Variants in TRMT11 observed in about 807,000 individuals in gnomAD.
TRMT11 encodes the protein tRNA (guanine(10)-N(2))-methyltransferase TRMT11.
A neutral mutation model predicts 62.8 loss-of-function variants in TRMT11; 53 were observed. That is an observed-to-expected ratio of 0.84 (90% CI 0.68 to 1.06). The LOEUF is 1.06. Ranked by LOEUF, TRMT11 falls within the 50% of genes least tolerant of loss-of-function variation. TRMT11 has a pLI of 0.00. For synonymous variants in TRMT11, 188 were observed against 190.3 expected, an observed-to-expected ratio of 0.99 and a Z score of 0.10; for missense variants, 556 against 553.4, an observed-to-expected ratio of 1.00 and a Z score of -0.05.
intron 17 of TRMT11, among the ~76,000 whole-genome samples, chr6:126,103,288 T>C (rs1777423553): frequency 6.6e-6 from 1 of 152,252 alleles, no homozygotes; most frequent in Non-Finnish European, 1.5e-5. Flanking sequence ...TTCTTGTTTC[T>C]GGCTGTGTCT....
At chr6:126,191,464 C>CTTTTTTTTTTTTTTTTTTTTTTTTTT (rs77414207) in intron 1 of TRMT11, among the ~76,000 whole-genome samples, 1 of 102,380 alleles carries the variant, frequency 9.8e-6, no homozygotes, top group Non-Finnish European at 2.1e-5. Context: ...TCCTACTTGT[C>CTTTTTTTTTTTTTTTTTTTTTTTTTT]TTTTTTTTTT....
intron 16 of TRMT11, among the ~76,000 whole-genome samples, chr6:126,046,164 G>A (rs928094507): frequency 7.9e-5 from 12 of 152,162 alleles, no homozygotes; most frequent in African/African-American, 2.2e-4. Context: ...TGTTAAAACC[G>A]GGCCAGAACT....
chr6:126,093,586 T>C (rs1206055006), intron 17 of TRMT11, among the ~76,000 whole-genome samples: 1 of 4,908 alleles, frequency 2.0e-4, no homozygotes, highest in Non-Finnish European at 3.2e-4. Context: ...GATATGTATG[T>C]ATATATATAT....
At chr6:126,223,780 A>G in the TRMT11 span, among the ~76,000 whole-genome samples, 2 of 152,180 alleles carry the variant, frequency 1.3e-5, no homozygotes, top group South Asian at 2.1e-4. Context: ...CTGTCTTTCT[A>G]TCAGGGACTC....
chr6:126,169,386 A>T (rs980197048), intron 21 of TRMT11, among the ~76,000 whole-genome samples: 15 of 152,196 alleles, frequency 9.9e-5, no homozygotes, highest in African/African-American at 3.6e-4. Context: ...AATTAAAGGG[A>T]CTTCCCTAGA....
chr6:126,228,671 G>A, the TRMT11 span, among the ~76,000 whole-genome samples: 1 of 152,302 alleles, frequency 6.6e-6, no homozygotes, highest in African/African-American at 2.4e-5. Context: ...ATAATTGGGG[G>A]CTGCTGCGAA....
chr6:126,003,060 A>G (rs1386323481), intron 7 of TRMT11, among the ~76,000 whole-genome samples: 2 of 151,986 alleles, frequency 1.3e-5, no homozygotes, highest in Non-Finnish European at 1.5e-5. Context: ...ACAATCTCCT[A>G]TAGTTGGACA....
the TRMT11 span, among the ~76,000 whole-genome samples, chr6:126,236,741 G>A: frequency 2.6e-5 from 4 of 152,146 alleles, no homozygotes; most frequent in African/African-American, 9.7e-5. Context: ...CTTAGGGAAT[G>A]TATCTAAGAT....
chr6:126,264,086 A>G, the TRMT11 span, among the ~76,000 whole-genome samples: 1 of 152,138 alleles, frequency 6.6e-6, no homozygotes, highest in Non-Finnish European at 1.5e-5. Flanking sequence ...GATCATTAAC[A>G]CGTGCCTAGG....
At chr6:126,022,815 A>G (rs1796023929) in intron 12 of TRMT11, among the ~76,000 whole-genome samples, 1 of 152,238 alleles carries the variant, frequency 6.6e-6, no homozygotes, top group Non-Finnish European at 1.5e-5. Flanking sequence ...ACATACATAT[A>G]AACATATGGA....
At chr6:126,155,870 G>A (rs189031321) in intron 21 of TRMT11, among the ~76,000 whole-genome samples, 4 of 151,976 alleles carry the variant, frequency 2.6e-5, no homozygotes, top group Non-Finnish European at 4.4e-5. Context: ...ACACGTGCCC[G>A]CCACCATGCC....
At chr6:126,064,930 T>C (rs924725596) in intron 17 of TRMT11, among the ~76,000 whole-genome samples, 1 of 152,218 alleles carries the variant, frequency 6.6e-6, no homozygotes, top group African/African-American at 2.4e-5. Context: ...TTAAAAAGTA[T>C]AATTAGCTGT....
chr6:125,994,280 G>A (rs7761885), intron 2 of TRMT11, among the ~76,000 whole-genome samples: 107,035 of 151,792 alleles, frequency 0.71, 38,242 homozygotes, highest in East Asian at 0.95. Context: ...CCTTCTTGAC[G>A]TGACTTATAA....
chr6:126,017,267 A>G (rs892436510), intron 11 of TRMT11, among the ~76,000 whole-genome samples: 4 of 152,176 alleles, frequency 2.6e-5, no homozygotes, highest in Non-Finnish European at 4.4e-5. Context: ...ACCCTGTTAT[A>G]TGATTCAAGT....
At chr6:126,184,247 A>G (rs1778501289) in intron 1 of TRMT11, among the ~76,000 whole-genome samples, 1 of 152,164 alleles carries the variant, frequency 6.6e-6, no homozygotes, top group South Asian at 2.1e-4. Flanking sequence ...CAAAAATTGT[A>G]CTTTGATACA....
At chr6:126,116,393 T>C (rs956212508) in intron 21 of TRMT11, among the ~76,000 whole-genome samples, 3 of 152,114 alleles carry the variant, frequency 2.0e-5, no homozygotes, top group African/African-American at 7.2e-5. Context: ...TAATCAGAGA[T>C]AAATGGGAAG....
chr6:126,081,903 G>T (rs1362620480), intron 17 of TRMT11, among the ~76,000 whole-genome samples: 1 of 152,148 alleles, frequency 6.6e-6, no homozygotes, highest in Non-Finnish European at 1.5e-5. Flanking sequence ...TCATAATGCA[G>T]ATCTGTAGGG....
At chr6:126,069,823 A>G (rs1776797525) in intron 17 of TRMT11, among the ~76,000 whole-genome samples, 1 of 150,164 alleles carries the variant, frequency 6.7e-6, no homozygotes. Context: ...AGAGGTTGAC[A>G]GTAGTGATAC....
intron 17 of TRMT11, among the ~76,000 whole-genome samples, chr6:126,077,528 A>G (rs1427528347): frequency 6.6e-6 from 1 of 152,124 alleles, no homozygotes; most frequent in African/African-American, 2.4e-5. Context: ...GTCAACATTT[A>G]CTGGAAACCT....
Sources: allele counts gnomAD v4.1 joint callset (sites outside exome capture counted in the v4.1 genomes callset), GRCh38; gene constraint gnomAD v4.1.1; transcripts MANE v1.5; gene names NCBI Gene and HGNC (gene_info 2026-07-23, HGNC 2026-07-21).